KDM6A: variants seen among roughly 807,000 people sequenced by gnomAD.
KDM6A encodes the protein lysine-specific demethylase 6A.
In KDM6A, 11 loss-of-function variants were observed where a neutral mutation model predicts 117.6. That is an observed-to-expected ratio of 0.09 (90% confidence interval 0.06 to 0.15). The LOEUF (loss-of-function observed/expected upper bound fraction) is 0.15. Among genes scored for constraint, KDM6A ranks in the 10% least tolerant of loss-of-function variants. The pLI, the probability that KDM6A is intolerant of heterozygous loss-of-function variation, is 1.00. For synonymous variants in KDM6A, 384 were observed against 396.1 expected, an observed-to-expected ratio of 0.97 and a Z score of 0.36; for missense variants, 799 against 1,077.3, an observed-to-expected ratio of 0.74 and a Z score of 3.62.
At chrX:45,107,557 A>G (rs2046576579) in intron 28 of KDM6A, 21 bp downstream of exon 28, 1 of 1,195,550 alleles carries the variant, frequency 8.4e-7, no homozygotes, top group East Asian at 3.0e-5. Flanking sequence ...GTTTTTATCC[A>G]CAGTTGTTTT....
At chrX:44,889,217 G>A (rs900039273) in intron 2 of KDM6A, among the ~76,000 whole-genome samples, 1 of 111,473 alleles carries the variant, frequency 9.0e-6, no homozygotes, top group African/African-American at 3.3e-5. Flanking sequence ...GTTTCGCCAC[G>A]TTGGCCAGGC....
rs2044730430 is a variant in KDM6A, at chrX:45,069,782, A to G, written c.2283A>G (p.Gln761=). Residue 761 remains glutamine, a synonymous_variant, in exon 18 of 30, where the codon CAA becomes CAG. Transcript: ENST00000611820. ...CTCACACTGCTACCTCAGGTGGACAACAAGGCATTACCTTAACCAAAGAGA... is the reference window on the plus strand; with the variant it reads ...CTCACACTGCTACCTCAGGTGGACAGCAAGGCATTACCTTAACCAAAGAGA... ...LSSHTATSGG[Q]QGITLTKESK... is the part of the protein sequence containing the mutation. The G allele has an allele frequency of 8.3e-7, 1 of 1,208,371 alleles. No homozygotes were observed. Among genetic ancestry groups the G allele is most frequent in the Admixed American group, 2.2e-5 (1 of 45,552 alleles).
chrX:44,944,260 G>T (rs2147061386), intron 2 of KDM6A, among the ~76,000 whole-genome samples: 1 of 111,312 alleles, frequency 9.0e-6, no homozygotes, highest in South Asian at 3.8e-4. Context: ...GCCGAGGCTG[G>T]AGAATTGGTT....
chrX:45,075,685 A>G (rs2045081022), intron 18 of KDM6A, among the ~76,000 whole-genome samples: 1 of 109,305 alleles, frequency 9.1e-6, no homozygotes, highest in South Asian at 3.7e-4. Flanking sequence ...CAACCAAAAC[A>G]GGCTAATTTG....
Position 44,880,568 on chromosome X carries a change from A to T in KDM6A, c.225+6581A>T, listed in dbSNP as rs183932357. On this transcript the variant is annotated intron_variant, in intron 2 of 29. Coordinates refer to ENST00000611820, the MANE Select transcript of KDM6A (RefSeq NM_001291415.2). ...CACTTTGGGAGACTGAGGCGGATGG[A>T]TCAACTGAGGTCAGGAGTTCGAGAC... is the stretch of plus-strand genomic sequence containing the variant. Among the ~76,000 whole-genome samples, 157 of 108,745 alleles carry T rather than the reference A, an allele frequency of 1.4e-3. 3 individuals carry two copies. The East Asian group carries it at 0.041, about 28-fold the overall frequency. The allele number at this position is 108,745 out of a possible 115,157, so 94.4% of individuals were successfully genotyped here.
chrX:44,933,500 C>T, intron 2 of KDM6A, among the ~76,000 whole-genome samples: 1 of 109,406 alleles, frequency 9.1e-6, no homozygotes, highest in Admixed American at 9.8e-5. Context: ...GTCTTGAACT[C>T]CTGACCTCAT....
chrX:45,050,356 C>G (rs762146617), intron 8 of KDM6A, among the ~76,000 whole-genome samples: 2 of 112,124 alleles, frequency 1.8e-5, no homozygotes, highest in South Asian at 7.3e-4. Flanking sequence ...AACAAACAAA[C>G]GAAAAAACTG....
chrX:45,006,152 C>G (rs1188864760), intron 4 of KDM6A, among the ~76,000 whole-genome samples: 4 of 86,542 alleles, frequency 4.6e-5, no homozygotes, highest in East Asian at 9.2e-4. Flanking sequence ...GCCAGTCCCC[C>G]CCAGCCCTGC....
intron 2 of KDM6A, among the ~76,000 whole-genome samples, chrX:44,909,872 G>T (rs1229712324): frequency 1.8e-5 from 2 of 111,706 alleles, no homozygotes; most frequent in Non-Finnish European, 3.8e-5. Flanking sequence ...GTGACTGTGT[G>T]AAAAGAATAA....
chrX:44,951,584 A>G (rs2038004919), intron 2 of KDM6A, among the ~76,000 whole-genome samples: 1 of 109,771 alleles, frequency 9.1e-6, no homozygotes, highest in South Asian at 3.8e-4. Context: ...AATGATTTAA[A>G]ATAAAGAGGG....
intron 4 of KDM6A, among the ~76,000 whole-genome samples, chrX:45,005,050 C>T (rs1358141586): frequency 1.8e-5 from 2 of 110,842 alleles, no homozygotes; most frequent in African/African-American, 6.6e-5. Context: ...GTACCTCTTT[C>T]AAAGGGAAGA....
chrX:45,037,020 G>A lies in KDM6A; in HGVS notation c.620-635G>A, dbSNP rs968802384. Among the ~76,000 whole-genome samples the A allele has an allele frequency of 7.1e-5, 8 of 112,240 alleles. No individual in the cohort carries two copies. The South Asian group carries it at 2.9e-3, about 41-fold the overall frequency. On this transcript the variant is annotated intron_variant, in intron 7 of 29. Transcript: ENST00000611820. ...CATATTTTCTATTTAGAGACTTTAG[G>A]CTATTACAGTTTAGTAGATTTGGAT...
chrX:44,903,495 T>G (rs2034479289), intron 2 of KDM6A, among the ~76,000 whole-genome samples: 1 of 112,197 alleles, frequency 8.9e-6, no homozygotes, highest in Admixed American at 9.5e-5. Flanking sequence ...TTATTACATT[T>G]GGAAAACTTT....
Position 44,874,280 on chromosome X carries a change from C to G in KDM6A, c.225+293C>G, listed in dbSNP as rs746602061. 8.3e-4 allele frequency among the ~76,000 whole-genome samples: 92 copies of G among 111,493 alleles called. 1 individual carries two copies. The highest frequency in any genetic ancestry group is 6.0e-4 in the Non-Finnish European group (32 of 53,100). ...ATTTTACAGCTTTTTGAGGGTAGGC[C>G]GATGATCTTCGAGGTGCCTGTTTAG... On this transcript the variant is annotated intron_variant, in intron 2 of 29. Coordinates refer to ENST00000611820, the MANE Select transcript of KDM6A (RefSeq NM_001291415.2).
At chrX:45,080,178 G>A (rs2148128437) in intron 21 of KDM6A, among the ~76,000 whole-genome samples, 1 of 111,581 alleles carries the variant, frequency 9.0e-6, no homozygotes, top group East Asian at 2.8e-4. Context: ...TTTTATGCTT[G>A]TAAAATCCGG....
chrX:44,943,031 T>C (rs892564361), intron 2 of KDM6A, among the ~76,000 whole-genome samples: 4 of 111,756 alleles, frequency 3.6e-5, no homozygotes, highest in Admixed American at 9.6e-5. Flanking sequence ...TTTTGTATTG[T>C]CATACATTTT....
At chrX:45,051,559 T>A (rs2043850819) in intron 8 of KDM6A, 150 bp from the exon 9 acceptor site, 2 of 423,537 alleles carry the variant, frequency 4.7e-6, no homozygotes, top group Non-Finnish European at 4.2e-6. Context: ...TGTCTGATGT[T>A]AAAGAAACAT....
chrX:44,924,605 T>G (rs1237804221), intron 2 of KDM6A, among the ~76,000 whole-genome samples: 1 of 110,602 alleles, frequency 9.0e-6, no homozygotes, highest in Admixed American at 9.7e-5. Flanking sequence ...TGGTACTGTT[T>G]GAGCCATGTG....
intron 18 of KDM6A, among the ~76,000 whole-genome samples, chrX:45,073,606 G>T (rs2044970613): frequency 8.9e-6 from 1 of 111,968 alleles, no homozygotes; most frequent in Admixed American, 9.5e-5. Flanking sequence ...GTTTTGATTT[G>T]CATTTCTCTG....
Sources: gnomAD v4.1 joint callset for allele counts (sites outside exome capture counted in the v4.1 genomes callset) on GRCh38, gnomAD v4.1.1 for gene constraint, MANE v1.5 for transcripts, NCBI Gene and HGNC (gene_info 2026-07-23, HGNC 2026-07-21) for gene names.